SNX29: variants seen among roughly 807,000 people sequenced by gnomAD.
SNX29 encodes the protein sorting nexin 29.
Under a neutral mutation model 102.1 loss-of-function variants are expected in SNX29, and 78 were observed. The observed-to-expected ratio is 0.76, with a 90% confidence interval of 0.64 to 0.92. SNX29 has a LOEUF of 0.92. SNX29 is among the 40% of genes least tolerant of loss of function. The probability of loss-of-function intolerance (pLI) is 0.00; values close to 1 mark genes in which losing one functional copy is unlikely to be tolerated. For missense variants in SNX29, 1,280 were observed against 1,061.7 expected (o/e 1.21, Z -2.86); for synonymous variants, 580 against 414.5 (o/e 1.40, Z -4.85).
chr16:12,281,818 C>A (rs1208377780), intron 15 of SNX29, among the ~76,000 whole-genome samples: 1 of 152,052 alleles, frequency 6.6e-6, no homozygotes, highest in Non-Finnish European at 1.5e-5. Context: ...AACCTGTAAT[C>A]CCAGCACTTT....
At chr16:12,112,934 G>C (rs921060197) in intron 11 of SNX29, among the ~76,000 whole-genome samples, 5 of 152,192 alleles carry the variant, frequency 3.3e-5, no homozygotes, top group African/African-American at 4.8e-5. Flanking sequence ...GGATTCATTG[G>C]AGCACCTGGA....
At chr16:12,116,088 T>C (rs1287404481) in intron 11 of SNX29, among the ~76,000 whole-genome samples, 1 of 152,224 alleles carries the variant, frequency 6.6e-6, no homozygotes, top group African/African-American at 2.4e-5. Flanking sequence ...AACTCTCCTG[T>C]AAGTGCAATA....
intron 15 of SNX29, among the ~76,000 whole-genome samples, chr16:12,300,382 A>G (rs1300801967): frequency 1.3e-5 from 2 of 152,112 alleles, no homozygotes; most frequent in East Asian, 3.9e-4. Context: ...GATAGCATCG[A>G]TCATCAGTGA....
chr16:12,042,804 A>G lies in SNX29; in HGVS notation c.248-93A>G, dbSNP rs1225308021. ...CCATGCTAAGGGGATACTCTGTTACAATCTCCAACTTCGCCTAGAGGCTTT... is the reference window on the plus strand; with the variant it reads ...CCATGCTAAGGGGATACTCTGTTACGATCTCCAACTTCGCCTAGAGGCTTT... On this transcript the variant is annotated intron_variant, in intron 4 of 20. Transcript: ENST00000566228. The G allele has an allele frequency of 1.6e-5, 21 of 1,322,830 alleles. No individual in the cohort carries two copies. In the East Asian group the frequency reaches 1.9e-4, roughly 12 times the overall value. 81.9% of individuals were successfully genotyped at this position (1,322,830 alleles called of 1,614,324 possible). A position where few individuals can be genotyped will look rare whatever the true frequency, so the allele number is the denominator to read the frequency against.
chr16:12,545,313 G>C (rs536294645), intron 20 of SNX29, among the ~76,000 whole-genome samples: 1 of 150,508 alleles, frequency 6.6e-6, no homozygotes, highest in Non-Finnish European at 1.5e-5. Flanking sequence ...TGGAAGACTC[G>C]CATCCACCAG....
At chr16:12,365,557 G>A (rs1396901482) in intron 16 of SNX29, among the ~76,000 whole-genome samples, 1 of 151,686 alleles carries the variant, frequency 6.6e-6, no homozygotes, top group Admixed American at 6.6e-5. Flanking sequence ...ATGCATGGTG[G>A]TGCGTGCCTG....
intron 4 of SNX29, among the ~76,000 whole-genome samples, chr16:12,035,591 G>A (rs1056040163): frequency 7.9e-5 from 12 of 152,102 alleles, no homozygotes; most frequent in African/African-American, 2.4e-4. Context: ...GACAGATTTG[G>A]GAGCACTTGT....
At chr16:12,364,208 G>GTTATGTTATA (rs1473181815) in intron 16 of SNX29, among the ~76,000 whole-genome samples, 1 of 148,946 alleles carries the variant, frequency 6.7e-6, no homozygotes, top group South Asian at 2.1e-4. Context: ...GTTATGTTAT[G>GTTATGTTATA]TTATGTTATT....
intron 17 of SNX29, among the ~76,000 whole-genome samples, chr16:12,399,786 G>T (rs952665480): frequency 6.6e-6 from 1 of 152,104 alleles, no homozygotes; most frequent in Non-Finnish European, 1.5e-5. Flanking sequence ...TGGGTGAGAG[G>T]TGAAGGATGA....
At chr16:12,307,353 A>C (rs1444320167) in intron 15 of SNX29, among the ~76,000 whole-genome samples, 1 of 152,212 alleles carries the variant, frequency 6.6e-6, no homozygotes, top group African/African-American at 2.4e-5. Context: ...AAGGCCACAG[A>C]GAGAACTGTA....
intron 16 of SNX29, among the ~76,000 whole-genome samples, chr16:12,390,359 T>C (rs1224884975): frequency 6.6e-6 from 1 of 152,106 alleles, no homozygotes; most frequent in African/African-American, 2.4e-5. Context: ...TCCCTTATGC[T>C]TCAGGCTCCT....
intron 1 of SNX29, chr16:11,977,329 A>T (rs1251852506): frequency 6.5e-6 from 1 of 154,338 alleles, no homozygotes; most frequent in Non-Finnish European, 1.4e-5. Context: ...TGGTCCCCAG[A>T]GGAGCTCAAT....
intron 16 of SNX29, among the ~76,000 whole-genome samples, chr16:12,357,089 A>T (rs894853469): frequency 6.6e-6 from 1 of 152,266 alleles, no homozygotes; most frequent in African/African-American, 2.4e-5. Flanking sequence ...TGCCGTGAGC[A>T]TCTAACACTT....
intron 16 of SNX29, among the ~76,000 whole-genome samples, chr16:12,370,054 C>T (rs1297133667): frequency 6.6e-6 from 1 of 151,522 alleles, no homozygotes; most frequent in Non-Finnish European, 1.5e-5. Context: ...AACCCTGTCT[C>T]TACTAAAAAT....
intron 15 of SNX29, among the ~76,000 whole-genome samples, chr16:12,326,902 A>G (rs2081137369): frequency 6.6e-6 from 1 of 152,160 alleles, no homozygotes; most frequent in Admixed American, 6.5e-5. Context: ...ACTGTGGGCC[A>G]AGGTCCGAGG....
chr16:12,275,928 T>G (rs895837485), intron 14 of SNX29, among the ~76,000 whole-genome samples: 8 of 149,050 alleles, frequency 5.4e-5, no homozygotes, highest in Non-Finnish European at 1.0e-4. Flanking sequence ...AGTCTTGCTC[T>G]GTTGCCCAGG....
intron 13 of SNX29, among the ~76,000 whole-genome samples, chr16:12,139,620 C>T (rs901339063): frequency 3.9e-5 from 6 of 152,188 alleles, no homozygotes; most frequent in Non-Finnish European, 5.9e-5. Flanking sequence ...TGGTCGTTTG[C>T]CCCAAGATGT....
At chr16:11,982,353 A>G (rs2055436939) in intron 1 of SNX29, among the ~76,000 whole-genome samples, 1 of 152,090 alleles carries the variant, frequency 6.6e-6, no homozygotes, top group Non-Finnish European at 1.5e-5. Flanking sequence ...TAGAGCCAGA[A>G]AGTCATTATA....
intron 18 of SNX29, among the ~76,000 whole-genome samples, chr16:12,445,158 T>G (rs1180204709): frequency 6.6e-6 from 1 of 152,138 alleles, no homozygotes; most frequent in African/African-American, 2.4e-5. Context: ...GCTGACAGTT[T>G]TTTTTTGTTT....
Sources: allele counts gnomAD v4.1 joint callset (sites outside exome capture counted in the v4.1 genomes callset), GRCh38; gene constraint gnomAD v4.1.1; transcripts MANE v1.5; gene names NCBI Gene and HGNC (gene_info 2026-07-23, HGNC 2026-07-21).